FUT9: variants seen among roughly 807,000 people sequenced by gnomAD.
FUT9 encodes 4-galactosyl-N-acetylglucosaminide 3-alpha-L-fucosyltransferase 9.
FUT9 carries 15 observed loss-of-function variants against 29.7 expected under a neutral mutation model. That is an observed-to-expected ratio of 0.51 (90% CI 0.34 to 0.78). The LOEUF is 0.78. Ranked by LOEUF, FUT9 falls within the 30% of genes least tolerant of loss-of-function variation. FUT9 has a pLI of 0.01. For synonymous variants in FUT9, 169 were observed against 153.7 expected (o/e 1.10, Z -0.74); for missense variants, 319 against 425.4 (o/e 0.75, Z 2.20).
intron 2 of FUT9, among the ~76,000 whole-genome samples, chr6:96,128,986 G>A (rs1019093096): frequency 1.3e-5 from 2 of 151,706 alleles, no homozygotes; most frequent in Admixed American, 1.3e-4. Context: ...CACCGGGTGT[G>A]GTGGCTCATG....
intron 1 of FUT9, among the ~76,000 whole-genome samples, chr6:96,047,261 A>C (rs1770579990): frequency 6.6e-6 from 1 of 152,184 alleles, no homozygotes; most frequent in Admixed American, 6.5e-5. Flanking sequence ...CAAATTTTAT[A>C]AGTATGTGTG....
chr6:96,022,930 G>T (rs1479574242), intron 1 of FUT9, among the ~76,000 whole-genome samples: 1 of 151,780 alleles, frequency 6.6e-6, no homozygotes, highest in East Asian at 1.9e-4. Flanking sequence ...TCCTGTGAAT[G>T]GAAGCTGCTT....
intron 2 of FUT9, among the ~76,000 whole-genome samples, chr6:96,146,789 A>G (rs1334138446): frequency 6.6e-6 from 1 of 152,192 alleles, no homozygotes; most frequent in Non-Finnish European, 1.5e-5. Flanking sequence ...ATTTCAAAAG[A>G]TGAATCCAGG....
intron 1 of FUT9, among the ~76,000 whole-genome samples, chr6:96,050,405 A>C (rs1372961351): frequency 6.6e-6 from 1 of 152,210 alleles, no homozygotes; most frequent in Non-Finnish European, 1.5e-5. Context: ...ATGCCTGTTT[A>C]GTTTGTAGTT....
intron 2 of FUT9, among the ~76,000 whole-genome samples, chr6:96,163,192 A>G (rs993774908): frequency 2.0e-5 from 3 of 151,822 alleles, no homozygotes; most frequent in Non-Finnish European, 4.4e-5. Flanking sequence ...AAATGTTCCT[A>G]CCAGTTTCTG....
chr6:96,094,327 C>T (rs996639661), intron 1 of FUT9, among the ~76,000 whole-genome samples: 1 of 152,100 alleles, frequency 6.6e-6, no homozygotes, highest in Admixed American at 6.6e-5. Context: ...CACAGTATCT[C>T]AGTGCTTATG....
At chr6:96,150,680 A>T (rs1231933920) in intron 2 of FUT9, among the ~76,000 whole-genome samples, 1 of 152,184 alleles carries the variant, frequency 6.6e-6, no homozygotes. Context: ...GTAGAGACTA[A>T]TCCACGTGCC....
chr6:96,097,573 A>G (rs17056101), intron 1 of FUT9, among the ~76,000 whole-genome samples: 6,167 of 152,124 alleles, frequency 0.041, 177 homozygotes, highest in South Asian at 0.12. Flanking sequence ...GATGCTGTAG[A>G]TAAGGTGAAA....
At chr6:96,078,436 T>TTTTTTTTTTTA in intron 1 of FUT9, among the ~76,000 whole-genome samples, 1 of 132,752 alleles carries the variant, frequency 7.5e-6, no homozygotes. Context: ...TTTTTTTTTT[T>TTTTTTTTTTTA]TTGAGACGGA....
chr6:96,096,981 C>G (rs2127955528), intron 1 of FUT9, among the ~76,000 whole-genome samples: 1 of 152,100 alleles, frequency 6.6e-6, no homozygotes, highest in East Asian at 1.9e-4. Context: ...GGCACTTAAG[C>G]AACAGTCATA....
intron 2 of FUT9, among the ~76,000 whole-genome samples, chr6:96,141,123 T>C (rs1473862565): frequency 2.6e-5 from 4 of 152,212 alleles, no homozygotes; most frequent in Admixed American, 2.6e-4. Flanking sequence ...AGGCATTATG[T>C]TTGTGACAAG....
chr6:96,136,261 C>T (rs1343109823), intron 2 of FUT9, among the ~76,000 whole-genome samples: 1 of 151,822 alleles, frequency 6.6e-6, no homozygotes, highest in Non-Finnish European at 1.5e-5. Context: ...TTGACTTCCT[C>T]ATACTTGAGT....
chr6:96,047,714 A>T (rs1399726987), intron 1 of FUT9, among the ~76,000 whole-genome samples: 2 of 152,194 alleles, frequency 1.3e-5, no homozygotes, highest in African/African-American at 4.8e-5. Context: ...GTTACGATAG[A>T]AAAACAAAAA....
intron 2 of FUT9, among the ~76,000 whole-genome samples, chr6:96,165,313 C>G (rs1353018021): frequency 6.6e-6 from 1 of 151,782 alleles, no homozygotes; most frequent in Non-Finnish European, 1.5e-5. Context: ...CACCTGTAAT[C>G]CCAGCTATTC....
chr6:96,192,974 T>C (rs1582300034), intron 2 of FUT9, among the ~76,000 whole-genome samples: 1 of 151,884 alleles, frequency 6.6e-6, no homozygotes. Flanking sequence ...ATTTAATAAA[T>C]GGTGCTGGGA....
Position 96,016,054 on chromosome 6 carries a change from C to G in FUT9, c.-256C>G, listed in dbSNP as rs1769969861. 6.5e-6 allele frequency: 1 copy of G among 152,704 alleles called. No homozygotes were observed. The highest frequency in any genetic ancestry group is 1.5e-5 in the Non-Finnish European group (1 of 68,566). The allele number at this position is 152,704 out of a possible 1,614,324, so 9.5% of individuals were successfully genotyped here. ...AGCAGCTCCAGATTCACTGCTCTCC[C>G]CTGCAGCTCCCCGCGCCCCCGCCGC... On this transcript the variant is annotated 5_prime_UTR_variant, in exon 1 of 3. Coordinates refer to ENST00000302103, the MANE Select transcript of FUT9 (RefSeq NM_006581.4).
chr6:96,063,377 G>A (rs1770908662), intron 1 of FUT9, among the ~76,000 whole-genome samples: 1 of 152,136 alleles, frequency 6.6e-6, no homozygotes, highest in Non-Finnish European at 1.5e-5. Context: ...GGCAAAGGGG[G>A]AACAAGCGCA....
At chr6:96,076,927 A>G (rs1582213727) in intron 1 of FUT9, among the ~76,000 whole-genome samples, 2 of 152,206 alleles carry the variant, frequency 1.3e-5, no homozygotes, top group Non-Finnish European at 1.5e-5. Context: ...TTATTAGTTC[A>G]CTGATGGCTC....
rs1461839271 is a variant in FUT9, at chr6:96,210,698, T to C, written c.*6463T>C. The stretch of plus-strand genomic sequence containing the variant: ...AGACAATTACTAGGATATATGCTTC[T>C]GTGATCTGCTTTTCTATTGTATGTG... On this transcript the variant is annotated 3_prime_UTR_variant, in exon 3 of 3. Transcript: ENST00000302103. The C allele has an allele frequency of 3.0e-5, 5 of 166,988 alleles. No homozygotes were observed. Among genetic ancestry groups the C allele is most frequent in the Non-Finnish European group, 7.3e-5 (5 of 68,040 alleles). The allele number at this position is 166,988 out of a possible 1,614,324, so 10.3% of individuals were successfully genotyped here.
Sources: gnomAD v4.1 joint callset for allele counts (sites outside exome capture counted in the v4.1 genomes callset) on GRCh38, gnomAD v4.1.1 for gene constraint, MANE v1.5 for transcripts, NCBI Gene and HGNC (gene_info 2026-07-23, HGNC 2026-07-21) for gene names.